AMMECR1L: variants seen among roughly 807,000 people sequenced by gnomAD.
The protein encoded by AMMECR1L is AMMECR1 like.
AMMECR1L carries 4 observed loss-of-function variants against 36.8 expected under a neutral mutation model. The observed-to-expected ratio is 0.11, with a 90% CI of 0.05 to 0.25. The LOEUF (loss-of-function observed/expected upper bound fraction) is 0.25. Among genes scored for constraint, AMMECR1L ranks in the 10% least tolerant of loss-of-function variants. AMMECR1L has a pLI of 1.00. For missense variants in AMMECR1L, 232 were observed against 392.1 expected, an observed-to-expected ratio of 0.59 and a Z score of 3.45; for synonymous variants, 147 against 148.0, an observed-to-expected ratio of 0.99 and a Z score of 0.05.
At chr2:127,880,227 C>T (rs761841290) in intron 2 of AMMECR1L, among the ~76,000 whole-genome samples, 15 of 152,330 alleles carry the variant, frequency 9.8e-5, no homozygotes, top group Middle Eastern at 3.4e-3. Context: ...CCCTTCCAGG[C>T]CTTCAGCTGG....
Position 127,865,805 on chromosome 2 carries a change from T to C in AMMECR1L, c.822-600A>G, listed in dbSNP as rs562178329. Among the ~76,000 whole-genome samples the C allele has an allele frequency of 6.6e-6, 1 of 152,358 alleles. No individual in the cohort carries two copies. Among genetic ancestry groups the C allele is most frequent in the East Asian group, 1.9e-4 (1 of 5,196 alleles). On this transcript the variant is annotated intron_variant, in intron 7 of 7. Coordinates refer to ENST00000272647, the MANE Select transcript of AMMECR1L (RefSeq NM_001199140.2). This position sits in a 1 kb window ranked among gnomAD's most constrained non-coding sequence, Gnocchi z 5.4. ...AGAACAGAATTCATAGCACTTTGGCTGTGCTCTGGAAAGAGCCATGAGTCA... is the reference window on the plus strand; with the variant it reads ...AGAACAGAATTCATAGCACTTTGGCCGTGCTCTGGAAAGAGCCATGAGTCA...
intron 7 of AMMECR1L, among the ~76,000 whole-genome samples, chr2:127,866,399 G>A (rs945907472): frequency 6.6e-6 from 1 of 152,246 alleles, no homozygotes; most frequent in Non-Finnish European, 1.5e-5. Flanking sequence ...TACATGTTGA[G>A]CTGGGATTCC....
chr2:127,869,458 T>C lies in AMMECR1L; in HGVS notation c.720A>G (p.Glu240=), dbSNP rs1237938663. 6.2e-7 allele frequency: 1 copy of C among 1,611,890 alleles called. No homozygotes were observed. The highest frequency in any genetic ancestry group is 1.1e-5 in the South Asian group (1 of 91,038). The change falls in exon 6 of 8, where the codon GAA becomes GAG. Residue 240 remains glutamate (E), a synonymous_variant. Coordinates refer to ENST00000272647, the MANE Select transcript of AMMECR1L (RefSeq NM_001199140.2). The surrounding 1 kb of genome is among the most constrained non-coding windows in gnomAD (Gnocchi z 4.7). ...TATYLPEVAK[E]QDWDQIQTID... is the part of the protein sequence containing the mutation. ...AATCCCATTCATCCAACTCACCTTG[T>C]TCCTTAGCAACCTCAGGTAAATATG...
Position 127,867,102 on chromosome 2 carries a change from TCTG to T in AMMECR1L, c.725-109_725-107del, listed in dbSNP as rs575041149. 290 of 1,546,814 alleles carry T rather than the reference TCTG, an allele frequency of 1.9e-4. 1 individual carries two copies. In the African/African-American group the frequency reaches 3.3e-3, roughly 18 times the overall value. ...AAATGGGACTCGAGAAGCAGCCGAGTCTGCTAAGGCAGAGGAAGCCCTGGGCAC... is the reference window on the plus strand; with the variant it reads ...AAATGGGACTCGAGAAGCAGCCGAGTCTAAGGCAGAGGAAGCCCTGGGCAC... On this transcript the variant is annotated intron_variant, in intron 6 of 7. Coordinates refer to ENST00000272647, the MANE Select transcript of AMMECR1L (RefSeq NM_001199140.2).
Position 127,870,907 on chromosome 2 carries a change from A to G in AMMECR1L, c.540T>C (p.Phe180=). 6.2e-7 allele frequency: 1 copy of G among 1,613,210 alleles called. No individual in the cohort carries two copies. The highest frequency in any genetic ancestry group is 8.5e-7 in the Non-Finnish European group (1 of 1,179,736). The stretch of plus-strand genomic sequence containing the variant: ...GCAGCTCCTCTCGGGTCAGGGGGGG[A>G]AATCGGCTGTCCTTAAGTGCACTGG... ...TLTSALKDSR[F]PPLTREELPK... The change falls in exon 5 of 8, where the codon TTT becomes TTC. Residue 180 remains phenylalanine, a synonymous_variant. Coordinates refer to ENST00000272647, the MANE Select transcript of AMMECR1L (RefSeq NM_001199140.2).
chr2:127,885,687 G>C, intron 1 of AMMECR1L, 123 bp downstream of exon 1: 2 of 983,470 alleles, frequency 2.0e-6, no homozygotes, highest in Non-Finnish European at 2.4e-6. Context: ...GGACCGCGGG[G>C]TCTCTTCCCG....
chr2:127,878,066 A>G lies in AMMECR1L; in HGVS notation c.-38-3794T>C, dbSNP rs536088452. Among the ~76,000 whole-genome samples the G allele has an allele frequency of 3.7e-4, 57 of 152,206 alleles. 1 individual carries two copies. In the South Asian group the frequency reaches 0.011, roughly 31 times the overall value. On this transcript the variant is annotated intron_variant, in intron 2 of 7. Coordinates refer to ENST00000272647, the MANE Select transcript of AMMECR1L (RefSeq NM_001199140.2). ...AGAGTAAGACCCTGTCTCAAAATAA[A>G]TAAATAAATAAATAAAAATTTAATT...
intron 2 of AMMECR1L, among the ~76,000 whole-genome samples, chr2:127,878,631 G>C (rs7566370): frequency 6.6e-6 from 1 of 152,100 alleles, no homozygotes; most frequent in East Asian, 1.9e-4. Flanking sequence ...AAGTCCAGAA[G>C]ATTCTGCCTA....
intron 6 of AMMECR1L, among the ~76,000 whole-genome samples, chr2:127,868,713 A>T (rs1690817667): frequency 6.6e-6 from 1 of 151,894 alleles, no homozygotes; most frequent in South Asian, 2.1e-4. Flanking sequence ...CATCAGAAGA[A>T]CTTATAGGCT....
intron 2 of AMMECR1L, among the ~76,000 whole-genome samples, chr2:127,878,059 A>AAAAT (rs754782316): frequency 3.2e-4 from 49 of 152,236 alleles, no homozygotes; most frequent in Admixed American, 1.0e-3. Context: ...ACCCTGTCTC[A>AAAAT]AAATAAATAA....
chr2:127,885,010 G>C (rs544618139), intron 1 of AMMECR1L: 3 of 348,342 alleles, frequency 8.6e-6, no homozygotes, highest in Admixed American at 6.5e-5. Flanking sequence ...AAGGGTGAGG[G>C]AGCATGGCAA....
chr2:127,882,627 T>A (rs1239998074), intron 2 of AMMECR1L, among the ~76,000 whole-genome samples: 2 of 151,896 alleles, frequency 1.3e-5, no homozygotes, highest in East Asian at 3.9e-4. Flanking sequence ...AGGGTCTCCG[T>A]CTGCGGTCCA....
Position 127,864,135 on chromosome 2 carries a change from C to G in AMMECR1L, c.*959G>C, listed in dbSNP as rs1690581057. ...TGAAAAGAAAACCAGCTTACAGACC[C>G]TGGATTCTCTCCTATGATGTGTCCT... On this transcript the variant is annotated 3_prime_UTR_variant, in exon 8 of 8. Coordinates refer to ENST00000272647, the MANE Select transcript of AMMECR1L (RefSeq NM_001199140.2). 6.5e-6 allele frequency: 1 copy of G among 152,736 alleles called. No homozygotes were observed. The highest frequency in any genetic ancestry group is 6.5e-5 in the Admixed American group (1 of 15,286). 9.5% of individuals were successfully genotyped at this position (152,736 alleles called of 1,614,324 possible). A position where few individuals can be genotyped will look rare whatever the true frequency, so the allele number is the denominator to read the frequency against.
intron 1 of AMMECR1L, chr2:127,884,756 A>T (rs1691674656): frequency 6.6e-6 from 1 of 152,234 alleles, no homozygotes; most frequent in Non-Finnish European, 1.5e-5. Context: ...AGAGGCAGGG[A>T]CCTGAGGGCA....
chr2:127,883,969 T>G (rs997039506), intron 2 of AMMECR1L, among the ~76,000 whole-genome samples: 5 of 152,174 alleles, frequency 3.3e-5, no homozygotes, highest in Non-Finnish European at 7.3e-5. Context: ...GGAAAGATCA[T>G]GCCACGCCAC....
At chr2:127,878,986 A>G (rs866740848) in intron 2 of AMMECR1L, among the ~76,000 whole-genome samples, 27 of 152,342 alleles carry the variant, frequency 1.8e-4, no homozygotes, top group Middle Eastern at 6.8e-3. Context: ...AAATAGTATA[A>G]TGAGCCCAAT....
intron 2 of AMMECR1L, among the ~76,000 whole-genome samples, chr2:127,883,517 C>T (rs1452601913): frequency 6.6e-6 from 1 of 152,072 alleles, no homozygotes; most frequent in Non-Finnish European, 1.5e-5. Context: ...TTTTCTGGGC[C>T]TCAGTTCTTT....
chr2:127,878,794 G>C (rs1381185110), intron 2 of AMMECR1L, among the ~76,000 whole-genome samples: 4 of 152,164 alleles, frequency 2.6e-5, no homozygotes, highest in Non-Finnish European at 2.9e-5. Context: ...CATTTCTCTG[G>C]AGGCCACTAA....
At chr2:127,883,745 G>A (rs1297339670) in intron 2 of AMMECR1L, among the ~76,000 whole-genome samples, 3 of 152,154 alleles carry the variant, frequency 2.0e-5, no homozygotes, top group Non-Finnish European at 4.4e-5. Flanking sequence ...GGATTTTCAA[G>A]AAAATATCTT....
Sources: allele counts gnomAD v4.1 joint callset (sites outside exome capture counted in the v4.1 genomes callset), GRCh38; gene constraint gnomAD v4.1.1; non-coding constraint Gnocchi (gnomAD v3.1); transcripts MANE v1.5; gene names NCBI Gene and HGNC (gene_info 2026-07-23, HGNC 2026-07-21).